PGF: variants seen among roughly 807,000 people sequenced by gnomAD.
The protein encoded by PGF is placenta growth factor.
PGF carries 11 observed loss-of-function variants against 25.3 expected under a neutral mutation model. The observed-to-expected ratio is 0.43, with a 90% CI of 0.27 to 0.72. PGF has a LOEUF of 0.72. Ranked by LOEUF, PGF falls within the 30% of genes least tolerant of loss-of-function variation. The pLI is 0.18. For synonymous variants in PGF, 105 were observed against 97.9 expected, an observed-to-expected ratio of 1.07 and a Z score of -0.43; for missense variants, 230 against 234.9, an observed-to-expected ratio of 0.98 and a Z score of 0.14.
rs749867767 is a variant in PGF, at chr14:74,953,304, C to T, written c.118+600G>A. Among the ~76,000 whole-genome samples the T allele has an allele frequency of 6.6e-6, 1 of 152,194 alleles. No individual in the cohort carries two copies. Among genetic ancestry groups the T allele is most frequent in the Non-Finnish European group, 1.5e-5 (1 of 68,014 alleles). On this transcript the variant is annotated intron_variant, in intron 2 of 6. Transcript: ENST00000555567. The surrounding 1 kb of genome is among the most constrained non-coding windows in gnomAD (Gnocchi z 5.4). ...AGGGAGGGAGGAGCGAGGTAGGGGG[C>T]CTGGCATGGGCCTCCTGCCTTCTGT...
chr14:74,951,271 G>A (rs1390846600), intron 2 of PGF, among the ~76,000 whole-genome samples: 1 of 152,110 alleles, frequency 6.6e-6, no homozygotes, highest in African/African-American at 2.4e-5. Context: ...ACCACTCCGC[G>A]CCACTGGATA....
chr14:74,953,044 A>G lies in PGF; in HGVS notation c.118+860T>C, dbSNP rs374129976. On this transcript the variant is annotated intron_variant, in intron 2 of 6. Coordinates refer to ENST00000555567, the MANE Select transcript of PGF (RefSeq NM_002632.6). The surrounding 1 kb of genome is among the most constrained non-coding windows in gnomAD (Gnocchi z 5.4). Reference sequence around the variant, plus strand: ...AGCAAGGGAGGCATCCATGAGGTCAAGGGCAGCTACCTCCTCTACCTGCTC... The same window carrying G: ...AGCAAGGGAGGCATCCATGAGGTCAGGGGCAGCTACCTCCTCTACCTGCTC... Among the ~76,000 whole-genome samples, 291 of 152,344 alleles carry G rather than the reference A, an allele frequency of 1.9e-3. No homozygotes were observed. The highest frequency in any genetic ancestry group is 6.8e-3 in the African/African-American group (281 of 41,582).
chr14:74,949,753 G>A (rs1166729445), intron 2 of PGF, among the ~76,000 whole-genome samples, 200 bp from the exon 3 acceptor site: 2 of 152,144 alleles, frequency 1.3e-5, no homozygotes, highest in Non-Finnish European at 2.9e-5. Flanking sequence ...AATCCCCATG[G>A]AACAGAATCT....
intron 4 of PGF, 76 bp downstream of exon 4, chr14:74,948,431 C>T: frequency 1.1e-6 from 1 of 904,036 alleles, no homozygotes; most frequent in South Asian, 1.5e-5. Context: ...TGCCTCTGCC[C>T]TGGGACCCAT....
In PGF at chr14:74,948,554, G is replaced by A; in HGVS notation, c.345C>T (p.Pro115=). ...QLLKIRSGDR[P]SYVELTFSQH... ...GAGAGAACGTCAGCTCCACGTAGGA[G>A]GGCCGGTCCCCAGAACGGATCTTTA... The change falls in exon 4 of 7, where the codon CCC becomes CCT. Residue 115 remains proline (P), a synonymous_variant. Coordinates refer to ENST00000555567, the MANE Select transcript of PGF (RefSeq NM_002632.6). The A allele has an allele frequency of 6.2e-7, 1 of 1,605,280 alleles. No homozygotes were observed. The highest frequency in any genetic ancestry group is 8.5e-7 in the Non-Finnish European group (1 of 1,173,230).
chr14:74,949,635 G>C (rs761211716), intron 2 of PGF, 82 bp from the exon 3 acceptor site: 135 of 1,140,638 alleles, frequency 1.2e-4, no homozygotes, highest in Non-Finnish European at 1.5e-4. Context: ...AGGCCCTGCT[G>C]GCCTTCCAGG....
At position 74,942,608 on chromosome 14, in the gene PGF, TAATA is replaced by T; in HGVS notation, c.*94_*97del. 1.7e-6 allele frequency: 2 copies of T among 1,179,654 alleles called. No homozygotes were observed. Among genetic ancestry groups the T allele is most frequent in the South Asian group, 1.3e-5 (1 of 77,654 alleles). The allele number at this position is 1,179,654 out of a possible 1,614,324, so 73.1% of individuals were successfully genotyped here. The stretch of plus-strand genomic sequence containing the variant: ...GGCATTCAGCAGGGAAACAGTTGGC[TAATA>T]AATAGAGGGCAGGTACCAGCAGGAG... On this transcript the variant is annotated 3_prime_UTR_variant, in exon 7 of 7. Transcript: ENST00000555567.
At chr14:74,948,442 C>G (rs575627468) in intron 4 of PGF, 65 bp downstream of exon 4, 2 of 1,033,434 alleles carry the variant, frequency 1.9e-6, no homozygotes, top group African/African-American at 3.2e-5. Flanking sequence ...TGGGACCCAT[C>G]TTTGCTGAGG....
chr14:74,948,677 T>C, intron 3 of PGF, 94 bp from the exon 4 acceptor site: 1 of 754,192 alleles, frequency 1.3e-6, no homozygotes, highest in Non-Finnish European at 2.2e-6. Flanking sequence ...CCCGACTCTG[T>C]TTCCTGCTAG....
intron 2 of PGF, among the ~76,000 whole-genome samples, chr14:74,951,493 A>G (rs1888870784): frequency 6.6e-6 from 1 of 152,234 alleles, no homozygotes; most frequent in African/African-American, 2.4e-5. Context: ...AGGAATAATG[A>G]GCTGCCAAAG....
Position 74,946,220 on chromosome 14 carries a change from A to T in PGF, c.478T>A (p.Cys160Ser), listed in dbSNP as rs766632008. ...RRREKQRPTD[C>S]HLCGDAVPRR ...GGGACCCCGCACACTCACAGGTGGC[A>T]GTCTGTGGGTCTCTGCTTCTCTCTC... The change falls in exon 6 of 7, where the codon TGC (cysteine) becomes AGC (serine). Residue 160 changes from cysteine to serine, a missense_variant. Physicochemically the swap from Cys to Ser is moderately radical, Grantham distance 112. Transcript: ENST00000555567. 1 of 1,613,734 alleles carries T rather than the reference A, an allele frequency of 6.2e-7. No homozygotes were observed. The highest frequency in any genetic ancestry group is 8.5e-7 in the Non-Finnish European group (1 of 1,179,808).
chr14:74,949,586 G>C, intron 2 of PGF, 33 bp from the exon 3 acceptor site: 1 of 1,477,632 alleles, frequency 6.8e-7, no homozygotes, highest in Non-Finnish European at 9.0e-7. Context: ...GGTCAGGCCA[G>C]CAGAGACCTG....
In PGF at chr14:74,955,131, G is replaced by C. The variant is rs1347466395; in HGVS notation, c.75+37C>G. 1 of 1,272,180 alleles carries C rather than the reference G, an allele frequency of 7.9e-7. No homozygotes were observed. Among genetic ancestry groups the C allele is most frequent in the South Asian group, 1.6e-5 (1 of 61,112 alleles). The allele number at this position is 1,272,180 out of a possible 1,614,324, so 78.8% of individuals were successfully genotyped here. The stretch of plus-strand genomic sequence containing the variant: ...CATGCTTCCAGTGCTGGGATGGGGA[G>C]GTCTGGGGAGCCAGGCTAGGTGGGG... On this transcript the variant is annotated intron_variant, in intron 1 of 6. Transcript: ENST00000555567. This position sits in a 1 kb window ranked among gnomAD's most constrained non-coding sequence, Gnocchi z 4.1.
intron 4 of PGF, chr14:74,947,232 G>A (rs1167016341): frequency 3.7e-5 from 11 of 298,682 alleles, no homozygotes; most frequent in Non-Finnish European, 5.6e-5. Context: ...AAGAGTGGCT[G>A]TCAGGGCAAA....
intron 6 of PGF, among the ~76,000 whole-genome samples, chr14:74,944,372 G>T (rs1251194911): frequency 6.6e-6 from 1 of 151,764 alleles, no homozygotes; most frequent in African/African-American, 2.4e-5. Context: ...AAAGTGCTGG[G>T]ATTACAGGTG....
In PGF at chr14:74,942,580, C is replaced by A. The variant is rs8017577; in HGVS notation, c.*126G>T. 6.6e-6 allele frequency: 6 copies of A among 904,428 alleles called. No homozygotes were observed. The highest frequency in any genetic ancestry group is 8.9e-6 in the Non-Finnish European group (5 of 560,490). 56.0% of individuals were successfully genotyped at this position (904,428 alleles called of 1,614,324 possible). ...TCCCTGCCCCTCGTCTTGAAGGGAGCGAGGCATTCAGCAGGGAAACAGTTG... is the reference window on the plus strand; with the variant it reads ...TCCCTGCCCCTCGTCTTGAAGGGAGAGAGGCATTCAGCAGGGAAACAGTTG... On this transcript the variant is annotated 3_prime_UTR_variant, in exon 7 of 7. Coordinates refer to ENST00000555567, the MANE Select transcript of PGF (RefSeq NM_002632.6).
Position 74,942,710 on chromosome 14 carries a change from C to T in PGF, c.509G>A (p.Arg170Lys), listed in dbSNP as rs1054671294. 5 of 1,611,890 alleles carry T rather than the reference C, an allele frequency of 3.1e-6. No homozygotes were observed. The highest frequency in any genetic ancestry group is 1.3e-5 in the African/African-American group (1 of 74,678). Residue 170 changes from arginine (R) to lysine (K), a missense_variant, in exon 7 of 7, where the codon AGG (arginine) becomes AAG (lysine). Transcript: ENST00000555567. ...CTCTCTCCTCCAAGGGGTGGGTTACCTCCGGGGAACAGCATCGCCGCACCT... is the reference window on the plus strand; with the variant it reads ...CTCTCTCCTCCAAGGGGTGGGTTACTTCCGGGGAACAGCATCGCCGCACCT... ...CHLCGDAVPR[R>K]
At position 74,955,054 on chromosome 14, in the gene PGF, G is replaced by A. The variant is rs1888954698; in HGVS notation, c.75+114C>T. The A allele has an allele frequency of 8.3e-6, 4 of 483,396 alleles. No homozygotes were observed. The highest frequency in any genetic ancestry group is 1.4e-5 in the Non-Finnish European group (4 of 281,898). 29.9% of individuals were successfully genotyped at this position (483,396 alleles called of 1,614,324 possible). A position where few individuals can be genotyped will look rare whatever the true frequency, so the allele number is the denominator to read the frequency against. The stretch of plus-strand genomic sequence containing the variant: ...CCAGCCTGGCCTTTAGGAAGTGTGT[G>A]GACATCCTTGGAGTTGCTGCTCCCT... On this transcript the variant is annotated intron_variant, in intron 1 of 6. Transcript: ENST00000555567. This position sits in a 1 kb window ranked among gnomAD's most constrained non-coding sequence, Gnocchi z 4.1.
In PGF at chr14:74,950,546, G is replaced by A. The variant is rs1055179373; in HGVS notation, c.119-993C>T. Among the ~76,000 whole-genome samples, 1 of 152,220 alleles carries A rather than the reference G, an allele frequency of 6.6e-6. No individual in the cohort carries two copies. Among genetic ancestry groups the A allele is most frequent in the Admixed American group, 6.5e-5 (1 of 15,288 alleles). ...GATCTGGAATCCCTCAAAAGATGCT[G>A]CTCTTTCGGGGGAAGGCCTAGGACC... is the stretch of plus-strand genomic sequence containing the variant. On this transcript the variant is annotated intron_variant, in intron 2 of 6. Coordinates refer to ENST00000555567, the MANE Select transcript of PGF (RefSeq NM_002632.6). This position sits in a 1 kb window ranked among gnomAD's most constrained non-coding sequence, Gnocchi z 4.1.
Sources: allele counts gnomAD v4.1 joint callset (sites outside exome capture counted in the v4.1 genomes callset), GRCh38; gene constraint gnomAD v4.1.1; non-coding constraint Gnocchi (gnomAD v3.1); transcripts MANE v1.5; gene names NCBI Gene and HGNC (gene_info 2026-07-23, HGNC 2026-07-21).